The following SLC6A20 variants were observed in gnomAD, a reference collection of about 807,000 sequenced individuals.
SLC6A20 encodes solute carrier family 6 member 20, also known as sodium- and chloride-dependent transporter XTRP3.
In SLC6A20, 73 loss-of-function variants were observed where a neutral mutation model predicts 64.3. That is an observed-to-expected ratio of 1.14 (90% CI 0.94 to 1.38). SLC6A20 has a LOEUF of 1.38. Among genes scored for constraint, SLC6A20 ranks in the 40% most tolerant of loss-of-function variants. SLC6A20 has a pLI of 0.00. For synonymous variants in SLC6A20, 347 were observed against 329.6 expected, an observed-to-expected ratio of 1.05 and a Z score of -0.57; for missense variants, 725 against 772.8, an observed-to-expected ratio of 0.94 and a Z score of 0.73.
Position 45,792,991 on chromosome 3 carries a change from G to A in SLC6A20, c.121+3308C>T, listed in dbSNP as rs1165799769. 2.0e-5 allele frequency among the ~76,000 whole-genome samples: 3 copies of A among 152,204 alleles called. No individual in the cohort carries two copies. The South Asian group carries it at 6.2e-4, about 32-fold the overall frequency. On this transcript the variant is annotated intron_variant, in intron 1 of 10. Coordinates refer to ENST00000358525, the MANE Select transcript of SLC6A20 (RefSeq NM_020208.4). ...ATGAAGAATCCTGTCCTCCCCCACA[G>A]GCGTCTGGATCAGAATCCCTGGAAG...
Position 45,770,301 on chromosome 3 carries a change from C to A in SLC6A20, c.1006G>T (p.Val336Leu). 6.2e-7 allele frequency: 1 copy of A among 1,614,206 alleles called. No homozygotes were observed. Among genetic ancestry groups the A allele is most frequent in the Middle Eastern group, 1.7e-4 (1 of 6,060 alleles). Residue 336 changes from valine (V) to leucine (L), a missense_variant, in exon 7 of 11, where the codon GTG (valine) becomes TTG (leucine). Coordinates refer to ENST00000358525, the MANE Select transcript of SLC6A20 (RefSeq NM_020208.4). ...GFLTASNLEQ[V>L]KGYLASAYPS... ...TAGGCAGATGCGAGGTAGCCCTTCACCTGCTCCAGGTTGCTGGCTGTCAAA... is the reference window on the plus strand; with the variant it reads ...TAGGCAGATGCGAGGTAGCCCTTCAACTGCTCCAGGTTGCTGGCTGTCAAA...
chr3:45,762,422 C>A (rs1442693416), intron 9 of SLC6A20, among the ~76,000 whole-genome samples: 6 of 152,338 alleles, frequency 3.9e-5, no homozygotes, highest in Admixed American at 3.9e-4. Context: ...TGGCTCTTGC[C>A]CCAGCTGCAC....
chr3:45,794,957 A>G (rs563902051), intron 1 of SLC6A20, among the ~76,000 whole-genome samples: 8 of 152,358 alleles, frequency 5.3e-5, no homozygotes, highest in African/African-American at 1.4e-4. Flanking sequence ...CACTGTTTTA[A>G]AAACTCTATG....
Position 45,780,089 on chromosome 3 carries a change from C to A in SLC6A20, c.274G>T (p.Val92Leu), listed in dbSNP as rs765385992. 2.5e-6 allele frequency: 4 copies of A among 1,593,716 alleles called. No individual in the cohort carries two copies. Among genetic ancestry groups the A allele is most frequent in the Non-Finnish European group, 3.4e-6 (4 of 1,169,762 alleles). Residue 92 changes from valine to leucine, a missense_variant, in exon 3 of 11, where the codon GTG (valine) becomes TTG (leucine). Coordinates refer to ENST00000358525, the MANE Select transcript of SLC6A20 (RefSeq NM_020208.4). Reference protein sequence around the residue: ...PYLSGVGVASVVVSFFLSMYY... With the variant: ...PYLSGVGVASLVVSFFLSMYY... ...ATGGAGAGGAAGAAAGAGACCACCA[C>A]GCTGGCGACCCCTGCGAGGAAGCAG... is the stretch of plus-strand genomic sequence containing the variant.
rs895642036 is a variant in SLC6A20 at position 45,796,517 on chromosome 3, G to C, written c.-98C>G. On this transcript the variant is annotated 5_prime_UTR_variant, in exon 1 of 11. Coordinates refer to ENST00000358525, the MANE Select transcript of SLC6A20 (RefSeq NM_020208.4). ...GCGCCGTCCCACCCCGGCTCGGCTT[G>C]GGGGTGGCCCCGCGCCTCCGCCGCC... 2 of 1,276,942 alleles carry C rather than the reference G, an allele frequency of 1.6e-6. No homozygotes were observed. The highest frequency in any genetic ancestry group is 2.0e-6 in the Non-Finnish European group (2 of 984,918). 79.1% of individuals were successfully genotyped at this position (1,276,942 alleles called of 1,614,324 possible). A position where few individuals can be genotyped will look rare whatever the true frequency, so the allele number is the denominator to read the frequency against.
rs564738671 is a variant in SLC6A20 at position 45,757,759 on chromosome 3, T to G, written c.*1219A>C. Reference sequence around the variant, plus strand: ...GCGATATCATAGATATGGTGTGTCTTCAGTTACAAGATGCTCTGTTTGAAT... The same window carrying G: ...GCGATATCATAGATATGGTGTGTCTGCAGTTACAAGATGCTCTGTTTGAAT... On this transcript the variant is annotated 3_prime_UTR_variant, in exon 11 of 11. Coordinates refer to ENST00000358525, the MANE Select transcript of SLC6A20 (RefSeq NM_020208.4). 6.5e-6 allele frequency: 1 copy of G among 152,748 alleles called. No homozygotes were observed. Among genetic ancestry groups the G allele is most frequent in the East Asian group, 1.9e-4 (1 of 5,216 alleles). The allele number at this position is 152,748 out of a possible 1,614,324, so 9.5% of individuals were successfully genotyped here.
rs1699756021 is a variant in SLC6A20, at chr3:45,765,329, C to T, written c.1303+208G>A. On this transcript the variant is annotated intron_variant, in intron 8 of 10. Coordinates refer to ENST00000358525, the MANE Select transcript of SLC6A20 (RefSeq NM_020208.4). This position sits in a 1 kb window ranked among gnomAD's most constrained non-coding sequence, Gnocchi z 4.2. The stretch of plus-strand genomic sequence containing the variant: ...TGGGTTGGGGTGGCCACTTCACTTC[C>T]CTGTGATGTGGAGAATGGAACGCAC... Among the ~76,000 whole-genome samples the T allele has an allele frequency of 6.6e-6, 1 of 152,130 alleles. No homozygotes were observed. The highest frequency in any genetic ancestry group is 1.5e-5 in the Non-Finnish European group (1 of 68,010).
chr3:45,759,297 A>C (rs1355346219), intron 10 of SLC6A20, among the ~76,000 whole-genome samples, 170 bp from the exon 11 acceptor site: 2 of 152,238 alleles, frequency 1.3e-5, no homozygotes, highest in Non-Finnish European at 2.9e-5. Flanking sequence ...ATGTGCCAGG[A>C]GCCTAACTGC....
intron 1 of SLC6A20, among the ~76,000 whole-genome samples, chr3:45,788,021 C>T (rs370028731): frequency 5.9e-4 from 90 of 152,300 alleles, no homozygotes; most frequent in African/African-American, 2.1e-3. Context: ...TCACGGCTCA[C>T]TGCAGCCTCG....
intron 8 of SLC6A20, among the ~76,000 whole-genome samples, chr3:45,764,503 G>T (rs1164385098): frequency 2.6e-5 from 4 of 152,288 alleles, no homozygotes; most frequent in Non-Finnish European, 5.9e-5. Flanking sequence ...AGGAGTTTGA[G>T]ACCAGCCTGG....
chr3:45,791,114 TA>T (rs1216196999), intron 1 of SLC6A20, among the ~76,000 whole-genome samples: 1 of 152,202 alleles, frequency 6.6e-6, no homozygotes, highest in African/African-American at 2.4e-5. Flanking sequence ...AGTGCTTTGT[TA>T]AAGCTTTTCC....
At chr3:45,759,219 G>A (rs1279787214) in intron 10 of SLC6A20, 92 bp from the exon 11 acceptor site, 7 of 1,364,200 alleles carry the variant, frequency 5.1e-6, no homozygotes, top group Admixed American at 2.4e-5. Context: ...GTGATGTGAC[G>A]TGGGCAGAGA....
chr3:45,794,403 G>A (rs1447224249), intron 1 of SLC6A20, among the ~76,000 whole-genome samples: 1 of 152,124 alleles, frequency 6.6e-6, no homozygotes, highest in Admixed American at 6.5e-5. Flanking sequence ...CCATCCACCA[G>A]ACCCACACCC....
In SLC6A20 at chr3:45,770,522, TGAA is replaced by T. The variant is rs1699843713; in HGVS notation, c.936-154_936-152del. 7 of 920,362 alleles carry T rather than the reference TGAA, an allele frequency of 7.6e-6. No homozygotes were observed. The Admixed American group carries it at 1.4e-4, about 18-fold the overall frequency. The allele number at this position is 920,362 out of a possible 1,614,324, so 57.0% of individuals were successfully genotyped here. On this transcript the variant is annotated intron_variant, in intron 6 of 10. Coordinates refer to ENST00000358525, the MANE Select transcript of SLC6A20 (RefSeq NM_020208.4). ...AGGGCAGGGTAATTTTGAATGGCACTGAAGAAGCCTCAGATATGAACAGTGATG... is the reference window on the plus strand; with the variant it reads ...AGGGCAGGGTAATTTTGAATGGCACTGAAGCCTCAGATATGAACAGTGATG...
intron 7 of SLC6A20, among the ~76,000 whole-genome samples, chr3:45,768,643 G>A (rs1699812545): frequency 6.6e-6 from 1 of 152,140 alleles, no homozygotes; most frequent in African/African-American, 2.4e-5. Flanking sequence ...AAAAAGCATT[G>A]TCCCACCCAT....
intron 1 of SLC6A20, among the ~76,000 whole-genome samples, chr3:45,794,323 G>T (rs1322669916): frequency 1.3e-5 from 2 of 152,190 alleles, no homozygotes; most frequent in Non-Finnish European, 2.9e-5. Context: ...GTCAAGTTAG[G>T]TGGTCAAGTG....
intron 7 of SLC6A20, among the ~76,000 whole-genome samples, chr3:45,768,707 C>A (rs1699813627): frequency 6.6e-6 from 1 of 152,162 alleles, no homozygotes; most frequent in African/African-American, 2.4e-5. Flanking sequence ...CAAACCAAAC[C>A]CAACCAACCA....
At chr3:45,781,220 C>CAAAAA (rs34987516) in intron 2 of SLC6A20, among the ~76,000 whole-genome samples, 1 of 129,514 alleles carries the variant, frequency 7.7e-6, no homozygotes, top group Admixed American at 7.4e-5. Context: ...AACTCCGCCT[C>CAAAAA]AAAAAAAAAA....
At position 45,776,072 on chromosome 3, in the gene SLC6A20, C is replaced by T. The variant is rs570530740; in HGVS notation, c.355-84G>A. 210 of 1,338,500 alleles carry T rather than the reference C, an allele frequency of 1.6e-4. No individual in the cohort carries two copies. In the African/African-American group the frequency reaches 2.1e-3, roughly 13 times the overall value. The allele number at this position is 1,338,500 out of a possible 1,614,324, so 82.9% of individuals were successfully genotyped here. A position where few individuals can be genotyped will look rare whatever the true frequency, so the allele number is the denominator to read the frequency against. On this transcript the variant is annotated intron_variant, in intron 3 of 10. Transcript: ENST00000358525. ...CAGGGGTGAGGGAGGTGGCCCTGAG[C>T]GGAGACTCTTGGAAGAGAAGGGTGC... is the stretch of plus-strand genomic sequence containing the variant.
Sources: gnomAD v4.1 joint callset for allele counts (sites outside exome capture counted in the v4.1 genomes callset) on GRCh38, gnomAD v4.1.1 for gene constraint, Gnocchi (gnomAD v3.1) non-coding constraint, MANE v1.5 for transcripts, NCBI Gene and HGNC (gene_info 2026-07-23, HGNC 2026-07-21) for gene names.